The following CTNNA3 variants were observed in gnomAD, a reference collection of about 807,000 sequenced individuals.
CTNNA3 encodes catenin alpha 3.
CTNNA3 carries 76 observed loss-of-function variants against 95.7 expected under a neutral mutation model. That is an observed-to-expected ratio of 0.79 (90% confidence interval 0.66 to 0.96). CTNNA3 has a LOEUF of 0.96. Among genes scored for constraint, CTNNA3 ranks in the 40% least tolerant of loss-of-function variants. The pLI, the probability that CTNNA3 is intolerant of heterozygous loss-of-function variation, is 0.00. For missense variants in CTNNA3, 1,191 were observed against 1,089.8 expected, an observed-to-expected ratio of 1.09 and a Z score of -1.31; for synonymous variants, 431 against 374.4, an observed-to-expected ratio of 1.15 and a Z score of -1.74.
At chr10:66,699,133 G>A (rs1448872075) in intron 9 of CTNNA3, among the ~76,000 whole-genome samples, 2 of 152,078 alleles carry the variant, frequency 1.3e-5, no homozygotes, top group Admixed American at 6.5e-5. Flanking sequence ...AGACATTTAG[G>A]TTGATTCCAT....
chr10:66,478,933 C>T (rs1046926558), intron 11 of CTNNA3, among the ~76,000 whole-genome samples: 5 of 151,750 alleles, frequency 3.3e-5, no homozygotes, highest in African/African-American at 4.8e-5. Context: ...TTACCATTTT[C>T]CCCCTTATAG....
chr10:67,652,405 C>T (rs1839902105), intron 1 of CTNNA3, among the ~76,000 whole-genome samples: 1 of 152,212 alleles, frequency 6.6e-6, no homozygotes, highest in Non-Finnish European at 1.5e-5. Context: ...TTTTAGGGTT[C>T]AGGGATATAC....
chr10:66,355,576 T>C (rs1055226567), intron 12 of CTNNA3, among the ~76,000 whole-genome samples: 2 of 152,024 alleles, frequency 1.3e-5, no homozygotes, highest in Admixed American at 6.6e-5. Flanking sequence ...GGAAACTCTT[T>C]ATTTTTGAAT....
At chr10:66,049,471 T>C (rs2133529871) in intron 15 of CTNNA3, among the ~76,000 whole-genome samples, 2 of 152,272 alleles carry the variant, frequency 1.3e-5, no homozygotes, top group East Asian at 3.9e-4. Flanking sequence ...CATTCTATCA[T>C]AAAGACACAT....
intron 5 of CTNNA3, among the ~76,000 whole-genome samples, chr10:67,352,631 G>A (rs748925723): frequency 6.6e-6 from 1 of 151,886 alleles, no homozygotes; most frequent in African/African-American, 2.4e-5. Context: ...CTGTATGTTA[G>A]CAGTGATCAT....
At chr10:67,714,202 A>G (rs902698530) in intron 1 of CTNNA3, among the ~76,000 whole-genome samples, 1 of 152,156 alleles carries the variant, frequency 6.6e-6, no homozygotes, top group Non-Finnish European at 1.5e-5. Flanking sequence ...TAGATCCACC[A>G]ACAGCTTGCA....
At chr10:67,203,267 C>T (rs1317549536) in intron 6 of CTNNA3, among the ~76,000 whole-genome samples, 2 of 152,262 alleles carry the variant, frequency 1.3e-5, no homozygotes, top group Admixed American at 6.5e-5. Flanking sequence ...ATAAGTCTCA[C>T]GAGATCTGAT....
intron 3 of CTNNA3, among the ~76,000 whole-genome samples, chr10:67,566,319 T>G (rs1003963466): frequency 6.8e-6 from 1 of 147,774 alleles, no homozygotes; most frequent in African/African-American, 2.5e-5. Context: ...TCAAACAAAT[T>G]TACAAGAAAA....
At chr10:66,575,504 T>G (rs1337984882) in intron 10 of CTNNA3, among the ~76,000 whole-genome samples, 1 of 152,142 alleles carries the variant, frequency 6.6e-6, no homozygotes, top group Admixed American at 6.5e-5. Flanking sequence ...GCCCTCACCA[T>G]GTATCTGGAT....
intron 11 of CTNNA3, among the ~76,000 whole-genome samples, chr10:66,406,213 T>C (rs1203009273): frequency 1.3e-5 from 2 of 152,170 alleles, no homozygotes; most frequent in African/African-American, 2.4e-5. Context: ...ACCTCCACTT[T>C]TGAGGACCAT....
intron 3 of CTNNA3, among the ~76,000 whole-genome samples, chr10:67,541,933 T>C (rs1840696194): frequency 6.6e-6 from 1 of 152,118 alleles, no homozygotes; most frequent in South Asian, 2.1e-4. Flanking sequence ...TGACTTCACA[T>C]ACTAAAACTA....
intron 16 of CTNNA3, among the ~76,000 whole-genome samples, chr10:65,975,259 A>G (rs1355608904): frequency 6.6e-6 from 1 of 152,180 alleles, no homozygotes; most frequent in Non-Finnish European, 1.5e-5. Flanking sequence ...TCAGACAAGA[A>G]TATAGAAATT....
chr10:66,210,789 A>G (rs1242333745), intron 13 of CTNNA3, among the ~76,000 whole-genome samples: 1 of 152,220 alleles, frequency 6.6e-6, no homozygotes, highest in Non-Finnish European at 1.5e-5. Context: ...AAAGTTTACA[A>G]AATAATTCAC....
At chr10:66,405,241 A>G (rs2093048143) in intron 11 of CTNNA3, among the ~76,000 whole-genome samples, 1 of 152,172 alleles carries the variant, frequency 6.6e-6, no homozygotes, top group Admixed American at 6.6e-5. Context: ...AGATCTAATC[A>G]AAGTTTTTGA....
At chr10:67,105,260 G>GATAGATAGATAGATAGATAT (rs924409565) in intron 7 of CTNNA3, among the ~76,000 whole-genome samples, 12 of 151,974 alleles carry the variant, frequency 7.9e-5, no homozygotes, top group African/African-American at 2.9e-4. Context: ...TAGATAGATA[G>GATAGATAGATAGATAGATAT]AATTAATTCT....
chr10:66,336,521 T>A (rs1003703529), intron 12 of CTNNA3, among the ~76,000 whole-genome samples: 21 of 152,162 alleles, frequency 1.4e-4, no homozygotes, highest in African/African-American at 5.1e-4. Flanking sequence ...CAGGAATTAT[T>A]GCATAGTTTA....
At chr10:67,415,527 T>C (rs1463265247) in intron 5 of CTNNA3, among the ~76,000 whole-genome samples, 1 of 152,182 alleles carries the variant, frequency 6.6e-6, no homozygotes, top group Non-Finnish European at 1.5e-5. Context: ...AAACATTCCA[T>C]ACTCATGAAT....
At chr10:66,281,710 C>T (rs982891116) in intron 12 of CTNNA3, among the ~76,000 whole-genome samples, 1 of 151,770 alleles carries the variant, frequency 6.6e-6, no homozygotes, top group African/African-American at 2.4e-5. Flanking sequence ...TATTTTTCTA[C>T]ATTTAAGTTG....
chr10:66,116,886 T>G (rs2082364285), intron 13 of CTNNA3, among the ~76,000 whole-genome samples: 1 of 152,042 alleles, frequency 6.6e-6, no homozygotes, highest in Non-Finnish European at 1.5e-5. Flanking sequence ...GAGAACTCAT[T>G]CACTATCACG....
Sources: allele counts gnomAD v4.1 joint callset (sites outside exome capture counted in the v4.1 genomes callset), GRCh38; gene constraint gnomAD v4.1.1; transcripts MANE v1.5; gene names NCBI Gene and HGNC (gene_info 2026-07-23, HGNC 2026-07-21).